The following XKR6 variants were observed in gnomAD, a reference collection of about 807,000 sequenced individuals.
XKR6 encodes the protein XK related 6.
Under a neutral mutation model 56.7 loss-of-function variants are expected in XKR6, and 22 were observed. The ratio of observed to expected loss-of-function variants is 0.39; its 90% confidence interval spans 0.28 to 0.55. XKR6 has a LOEUF of 0.55. Ranked by LOEUF, XKR6 falls within the 20% of genes least tolerant of loss-of-function variation. XKR6 has a pLI of 0.66. For synonymous variants in XKR6, 524 were observed against 387.8 expected, an observed-to-expected ratio of 1.35 and a Z score of -4.13; for missense variants, 852 against 889.0, an observed-to-expected ratio of 0.96 and a Z score of 0.53.
chr8:11,120,016 G>C (rs925181418), intron 1 of XKR6, among the ~76,000 whole-genome samples: 6 of 152,090 alleles, frequency 3.9e-5, no homozygotes, highest in Admixed American at 1.3e-4. Context: ...CAATAAATTA[G>C]GTATTGATGG....
chr8:11,048,352 G>C (rs556102591), intron 1 of XKR6, among the ~76,000 whole-genome samples: 11 of 152,114 alleles, frequency 7.2e-5, no homozygotes, highest in Non-Finnish European at 1.5e-4. Context: ...CTCGCCAGGG[G>C]GAGGGAAACT....
rs961078725 is a variant in XKR6, at chr8:10,949,678, G to A, written c.765-24848C>T. 4.6e-5 allele frequency among the ~76,000 whole-genome samples: 7 copies of A among 152,216 alleles called. No individual in the cohort carries two copies. In the South Asian group the frequency reaches 8.3e-4, roughly 18 times the overall value. ...CCCATTTTATAATGGGAAAACAGGC[G>A]AGCACCATTAAGTAACTCATCCAAG... On this transcript the variant is annotated intron_variant, in intron 1 of 2. Transcript: ENST00000416569.
chr8:11,142,996 A>G (rs1159817826), intron 1 of XKR6, among the ~76,000 whole-genome samples: 1 of 152,248 alleles, frequency 6.6e-6, no homozygotes, highest in Admixed American at 6.5e-5. Flanking sequence ...AAATAAAAGG[A>G]AAGAATCAAA....
intron 1 of XKR6, chr8:11,109,447 T>C (rs774743677): frequency 7.2e-5 from 11 of 152,194 alleles, no homozygotes; most frequent in Non-Finnish European, 1.2e-4. Flanking sequence ...AGGAAATGTA[T>C]CGATACTTCC....
intron 1 of XKR6, among the ~76,000 whole-genome samples, chr8:11,022,590 AGAG>A (rs1798772175): frequency 1.3e-5 from 2 of 152,338 alleles, no homozygotes; most frequent in South Asian, 4.1e-4. Context: ...CGGCAGGAGC[AGAG>A]GAGAATGCAT....
At chr8:11,068,684 T>C (rs1187903832) in intron 1 of XKR6, among the ~76,000 whole-genome samples, 1 of 152,154 alleles carries the variant, frequency 6.6e-6, no homozygotes, top group Non-Finnish European at 1.5e-5. Flanking sequence ...CCACCTTGCC[T>C]TTCACCAGAG....
At chr8:11,111,582 G>A (rs1263941238) in intron 1 of XKR6, 2 of 152,074 alleles carry the variant, frequency 1.3e-5, no homozygotes, top group Non-Finnish European at 2.9e-5. Context: ...GACAAGAATA[G>A]GCATAGGAGG....
chr8:11,029,869 T>C (rs79806986), intron 1 of XKR6, among the ~76,000 whole-genome samples: 106 of 152,300 alleles, frequency 7.0e-4, no homozygotes, highest in African/African-American at 2.4e-3. Context: ...TTTCTATCCC[T>C]ACTCCACGAT....
rs1383637274 is a variant in XKR6 at position 10,898,384 on chromosome 8, C to G, written c.1494G>C (p.Leu498=). ...TCTTAGCTCGTGGTCCTGTGGGATG[C>G]AGCACGCCATAGTATAAGAGCATCA... ...IAMMLLYYGV[L]HPTGPRAKIL... is the part of the protein sequence containing the mutation. The change falls in exon 3 of 3, where the codon CTG becomes CTC. Residue 498 remains leucine (L), a synonymous_variant. Transcript: ENST00000416569. This position sits in a 1 kb window ranked among gnomAD's most constrained non-coding sequence, Gnocchi z 6.6. 1.2e-6 allele frequency: 2 copies of G among 1,614,022 alleles called. No homozygotes were observed. Among genetic ancestry groups the G allele is most frequent in the Admixed American group, 1.7e-5 (1 of 60,010 alleles).
chr8:11,035,372 G>A (rs1799114426), intron 1 of XKR6: 1 of 531,762 alleles, frequency 1.9e-6, no homozygotes, highest in Non-Finnish European at 3.9e-6. Context: ...AATCATGAAT[G>A]GGGCTCTTTG....
At chr8:11,165,698 C>G (rs985249300) in intron 1 of XKR6, among the ~76,000 whole-genome samples, 12 of 152,122 alleles carry the variant, frequency 7.9e-5, no homozygotes, top group Non-Finnish European at 1.3e-4. Flanking sequence ...AATCCAGTAT[C>G]AAAATGATTC....
At chr8:11,132,422 A>T (rs762451678) in intron 1 of XKR6, among the ~76,000 whole-genome samples, 6 of 151,614 alleles carry the variant, frequency 4.0e-5, no homozygotes, top group Non-Finnish European at 7.4e-5. Flanking sequence ...GTGGTGGTGC[A>T]ATCTCGGATC....
At chr8:10,900,712 A>T (rs1303735777) in intron 2 of XKR6, among the ~76,000 whole-genome samples, 2 of 151,964 alleles carry the variant, frequency 1.3e-5, no homozygotes, top group African/African-American at 4.8e-5. Flanking sequence ...AAGACATCTC[A>T]TGTGTGTCTG....
intron 1 of XKR6, among the ~76,000 whole-genome samples, chr8:10,988,276 G>A (rs774414011): frequency 5.3e-5 from 8 of 152,152 alleles, no homozygotes; most frequent in Non-Finnish European, 1.2e-4. Context: ...TGTTTCCCCT[G>A]CACCTACCAC....
chr8:10,927,159 T>G (rs1462086756), intron 1 of XKR6, among the ~76,000 whole-genome samples: 1 of 152,080 alleles, frequency 6.6e-6, no homozygotes, highest in Non-Finnish European at 1.5e-5. Flanking sequence ...GAGCCCCTGA[T>G]GGAGGGTGAT....
At chr8:11,184,636 G>A (rs879714568) in intron 1 of XKR6, among the ~76,000 whole-genome samples, 2 of 151,926 alleles carry the variant, frequency 1.3e-5, no homozygotes, top group Non-Finnish European at 2.9e-5. Flanking sequence ...AAACATTTCT[G>A]GTTTGGTTTT....
intron 1 of XKR6, among the ~76,000 whole-genome samples, chr8:10,965,049 A>G (rs562253569): frequency 6.6e-6 from 1 of 152,328 alleles, no homozygotes; most frequent in East Asian, 1.9e-4. Flanking sequence ...AGGGCCACCA[A>G]CTGGACTGGA....
intron 1 of XKR6, among the ~76,000 whole-genome samples, chr8:10,980,119 T>A (rs78164416): frequency 6.6e-6 from 1 of 151,434 alleles, no homozygotes; most frequent in African/African-American, 2.4e-5. Flanking sequence ...AGAAAGGGAG[T>A]GGCCTCAGAG....
At chr8:10,912,464 TATAGAGAGAG>T (rs1435405547) in intron 2 of XKR6, among the ~76,000 whole-genome samples, 1 of 114,214 alleles carries the variant, frequency 8.8e-6, no homozygotes, top group Non-Finnish European at 1.8e-5. Flanking sequence ...TATATATATA[TATAGAGAGAG>T]AGAGAGAGAG....
Sources: gnomAD v4.1 joint callset for allele counts (sites outside exome capture counted in the v4.1 genomes callset) on GRCh38, gnomAD v4.1.1 for gene constraint, Gnocchi (gnomAD v3.1) non-coding constraint, MANE v1.5 for transcripts, NCBI Gene and HGNC (gene_info 2026-07-23, HGNC 2026-07-21) for gene names.